Variants in EIF3J observed in about 807,000 individuals in gnomAD.
EIF3J encodes eukaryotic translation initiation factor 3 subunit J, also known as eukaryotic translation initiation factor 3, subunit 1 (alpha, 35kD).
In EIF3J, 15 loss-of-function variants were observed where a neutral mutation model predicts 39.0. The ratio of observed to expected loss-of-function variants is 0.38; its 90% CI spans 0.26 to 0.59. EIF3J has a LOEUF of 0.59. EIF3J is among the 20% of genes least tolerant of loss of function. EIF3J has a pLI of 0.60. For missense variants in EIF3J, 226 were observed against 308.6 expected (o/e 0.73, Z 2.00); for synonymous variants, 98 against 112.9 (o/e 0.87, Z 0.84).
chr15:44,558,414 C>A lies in EIF3J; in HGVS notation c.571+764C>A, dbSNP rs148173176. Among the ~76,000 whole-genome samples, 1,202 of 151,408 alleles carry A rather than the reference C, an allele frequency of 7.9e-3. 16 individuals are homozygous for A. The highest frequency in any genetic ancestry group is 0.025 in the African/African-American group (1,035 of 41,306). ...GTCAGGAGATTGTAGACCATCCTGGCTAACAAGGTGAAGCTGAGGCAGGAG... is the reference window on the plus strand; with the variant it reads ...GTCAGGAGATTGTAGACCATCCTGGATAACAAGGTGAAGCTGAGGCAGGAG... On this transcript the variant is annotated intron_variant, in intron 6 of 7. Coordinates refer to ENST00000261868, the MANE Select transcript of EIF3J (RefSeq NM_003758.4).
At chr15:44,541,568 T>G (rs1203705070) in intron 2 of EIF3J, among the ~76,000 whole-genome samples, 6 of 150,928 alleles carry the variant, frequency 4.0e-5, no homozygotes, top group Non-Finnish European at 8.8e-5. Context: ...CTCGTCCTAC[T>G]CATTCACTCT....
chr15:44,557,720 G>T (rs1255432456), intron 6 of EIF3J, 70 bp downstream of exon 6: 3 of 1,217,924 alleles, frequency 2.5e-6, no homozygotes, highest in African/African-American at 3.1e-5. Context: ...GAGGTTGAAG[G>T]TTATTTTTTA....
Position 44,537,557 on chromosome 15 carries a change from C to A in EIF3J, c.147+130C>A. 4.4e-6 allele frequency: 4 copies of A among 917,872 alleles called. No homozygotes were observed. The Middle Eastern group carries it at 1.1e-3, about 245-fold the overall frequency. The allele number at this position is 917,872 out of a possible 1,614,324, so 56.9% of individuals were successfully genotyped here. ...GGCGCGAGCATAGGGCCTGGCGGTG[C>A]TCTCTTCCCCTCCGCTTGCCGGCCA... On this transcript the variant is annotated intron_variant, in intron 2 of 7. Transcript: ENST00000261868.
At chr15:44,548,656 G>A (rs2082073670) in intron 2 of EIF3J, among the ~76,000 whole-genome samples, 1 of 152,196 alleles carries the variant, frequency 6.6e-6, no homozygotes, top group African/African-American at 2.4e-5. Flanking sequence ...CAAGGTGCTG[G>A]CATCTGGCGA....
intron 5 of EIF3J, among the ~76,000 whole-genome samples, chr15:44,556,207 C>T (rs778721759): frequency 5.3e-5 from 8 of 152,152 alleles, no homozygotes; most frequent in Non-Finnish European, 1.0e-4. Context: ...TGTTTACCCC[C>T]GCTTAGCTTC....
intron 6 of EIF3J, 150 bp from the exon 7 acceptor site, chr15:44,560,099 A>C: frequency 1.6e-6 from 1 of 638,314 alleles, no homozygotes; most frequent in Non-Finnish European, 2.6e-6. Context: ...AAGTTACTGA[A>C]GTTTAACAAT....
intron 2 of EIF3J, among the ~76,000 whole-genome samples, chr15:44,540,253 A>G (rs1365138110): frequency 2.0e-5 from 1 of 50,496 alleles, no homozygotes; most frequent in Non-Finnish European, 4.3e-5. Flanking sequence ...ATATATATAT[A>G]TATATATATA....
intron 3 of EIF3J, 117 bp downstream of exon 3, chr15:44,551,047 A>C: frequency 7.0e-7 from 1 of 1,430,106 alleles, no homozygotes. Flanking sequence ...TTAGAAACCA[A>C]GTGTCCTTCC....
At chr15:44,543,648 G>A (rs1198243632) in intron 2 of EIF3J, among the ~76,000 whole-genome samples, 2 of 152,016 alleles carry the variant, frequency 1.3e-5, no homozygotes, top group African/African-American at 4.8e-5. Context: ...TCTTGACCTC[G>A]TGATCTGCCT....
chr15:44,551,450 GA>G lies in EIF3J; in HGVS notation c.229del (p.Ile77Ter). ...TTTTAGAGGTAAAAATTTCAGAAAA[GA>G]AAAAAATAGCAGAGAAGATAAAAGA... is the stretch of plus-strand genomic sequence containing the variant. Reference protein sequence around the residue: ...VKPEVKISEKKKIAEKIKEKE... With the variant: ...VKPEVKISEKXKIAEKIKEKE... On this transcript the variant is annotated frameshift_variant, in exon 4 of 8. Coordinates refer to ENST00000261868, the MANE Select transcript of EIF3J (RefSeq NM_003758.4). LOFTEE classifies it high-confidence loss of function. The G allele has an allele frequency of 6.3e-7, 1 of 1,578,406 alleles. No homozygotes were observed.
At chr15:44,539,376 G>A (rs1359505848) in intron 2 of EIF3J, among the ~76,000 whole-genome samples, 1 of 151,540 alleles carries the variant, frequency 6.6e-6, no homozygotes, top group African/African-American at 2.4e-5. Context: ...ATATTTACAA[G>A]TTGTAAGGGA....
chr15:44,557,570 A>C lies in EIF3J; in HGVS notation c.491A>C (p.Lys164Thr). The change falls in exon 6 of 8, where the codon AAA (lysine) becomes ACA (threonine). Residue 164 changes from lysine (K) to threonine (T), a missense_variant. By Grantham distance (78) the Lys-to-Thr change is moderately conservative (BLOSUM62 -1). Transcript: ENST00000261868. ...TTTACAGAGTTTGGAAAGTTACTAA[A>C]AGATAAAATTACACAATATGAAAAG... ...DDFTEFGKLL[K>T]DKITQYEKSL... 2.6e-6 allele frequency: 4 copies of C among 1,555,358 alleles called. No homozygotes were observed. The highest frequency in any genetic ancestry group is 3.5e-6 in the Non-Finnish European group (4 of 1,152,954).
intron 2 of EIF3J, among the ~76,000 whole-genome samples, chr15:44,537,977 C>T (rs1290577016): frequency 6.6e-6 from 1 of 152,152 alleles, no homozygotes; most frequent in Non-Finnish European, 1.5e-5. Flanking sequence ...ACTTTTGGCT[C>T]TCCCTTCCCC....
intron 2 of EIF3J, chr15:44,550,572 A>ACCC: frequency 5.2e-6 from 1 of 191,762 alleles, no homozygotes; most frequent in Non-Finnish European, 1.1e-5. Context: ...TAATAGCAAC[A>ACCC]TACAAGATGA....
At chr15:44,538,133 G>T (rs951196020) in intron 2 of EIF3J, among the ~76,000 whole-genome samples, 3 of 152,046 alleles carry the variant, frequency 2.0e-5, no homozygotes, top group Middle Eastern at 3.2e-3. Flanking sequence ...AAATATTGAA[G>T]ATTTGGTGGT....
At position 44,557,486 on chromosome 15, in the gene EIF3J, C is replaced by A; in HGVS notation, c.410-3C>A. The A allele has an allele frequency of 6.6e-7, 1 of 1,504,876 alleles. No homozygotes were observed. The highest frequency in any genetic ancestry group is 1.4e-5 in the South Asian group (1 of 71,118). The allele number at this position is 1,504,876 out of a possible 1,614,324, so 93.2% of individuals were successfully genotyped here. ...ACTTTTCAGTGCTTCTTTTCTCCTACAGGTGTTAATAATGCAGTTTATGGA... is the reference window on the plus strand; with the variant it reads ...ACTTTTCAGTGCTTCTTTTCTCCTAAAGGTGTTAATAATGCAGTTTATGGA... On this transcript the variant is annotated splice_region_variant and splice_polypyrimidine_tract_variant and intron_variant, in intron 5 of 7. Coordinates refer to ENST00000261868, the MANE Select transcript of EIF3J (RefSeq NM_003758.4).
intron 4 of EIF3J, 101 bp from the exon 5 acceptor site, chr15:44,554,452 A>T (rs2140900056): frequency 2.4e-6 from 1 of 420,542 alleles, no homozygotes; most frequent in Non-Finnish European, 4.2e-6. Flanking sequence ...GTTCACTTTT[A>T]TTTGTTATTA....
chr15:44,561,185 C>T lies in EIF3J; in HGVS notation c.*36C>T. The T allele has an allele frequency of 5.6e-6, 9 of 1,593,220 alleles. No homozygotes were observed. The highest frequency in any genetic ancestry group is 6.8e-6 in the Non-Finnish European group (8 of 1,172,068). The stretch of plus-strand genomic sequence containing the variant: ...TTTCTTGGTGTCATCTTTATGTTGC[C>T]CACAATCCCTTGAACATGTAGCACA... On this transcript the variant is annotated 3_prime_UTR_variant, in exon 8 of 8. Coordinates refer to ENST00000261868, the MANE Select transcript of EIF3J (RefSeq NM_003758.4).
In EIF3J at chr15:44,551,530, C is replaced by A. The variant is rs760006784; in HGVS notation, c.294+8C>A. ...GAAGAAATTAAAAAGAGGGTAAATT[C>A]TGTTTTCTAAAATACAGAATTCTCA... On this transcript the variant is annotated splice_region_variant and intron_variant, in intron 4 of 7. Coordinates refer to ENST00000261868, the MANE Select transcript of EIF3J (RefSeq NM_003758.4). 6.4e-7 allele frequency: 1 copy of A among 1,572,580 alleles called. No homozygotes were observed. The highest frequency in any genetic ancestry group is 1.2e-5 in the South Asian group (1 of 85,140).
Sources: allele counts gnomAD v4.1 joint callset (sites outside exome capture counted in the v4.1 genomes callset), GRCh38; gene constraint gnomAD v4.1.1; transcripts MANE v1.5; gene names NCBI Gene and HGNC (gene_info 2026-07-23, HGNC 2026-07-21).